The following KCNH8 variants were observed in gnomAD, a reference collection of about 807,000 sequenced individuals.
KCNH8 encodes the protein potassium voltage-gated channel subfamily H member 8, also known as voltage-gated delayed rectifier potassium channel KCNH8.
In KCNH8, 70 loss-of-function variants were observed where a neutral mutation model predicts 103.6. The observed-to-expected ratio is 0.68, with a 90% CI of 0.56 to 0.82. The LOEUF (loss-of-function observed/expected upper bound fraction) is 0.82. KCNH8 is among the 40% of genes least tolerant of loss of function. The pLI, the probability that KCNH8 is intolerant of heterozygous loss-of-function variation, is 0.00. For synonymous variants in KCNH8, 498 were observed against 489.4 expected, an observed-to-expected ratio of 1.02 and a Z score of -0.23; for missense variants, 1,217 against 1,329.9, an observed-to-expected ratio of 0.92 and a Z score of 1.32.
intron 5 of KCNH8, among the ~76,000 whole-genome samples, chr3:19,370,303 C>T (rs2066070816): frequency 6.6e-6 from 1 of 151,978 alleles, no homozygotes; most frequent in African/African-American, 2.4e-5. Flanking sequence ...TTTGTACTCT[C>T]AGAATTCAGC....
chr3:19,472,234 GTGTGTGTGTGTGT>G (rs1450198551), intron 11 of KCNH8, among the ~76,000 whole-genome samples: 2 of 143,958 alleles, frequency 1.4e-5, no homozygotes, highest in Non-Finnish European at 3.0e-5. Context: ...GTGTGTGTGT[GTGTGTGTGTGTGT>G]TAATGTCCAC....
intron 5 of KCNH8, among the ~76,000 whole-genome samples, chr3:19,374,967 A>G (rs1263673279): frequency 1.3e-5 from 2 of 152,020 alleles, no homozygotes; most frequent in Non-Finnish European, 2.9e-5. Flanking sequence ...GTTTCTGCCG[A>G]GAGATCCGCT....
At chr3:19,217,686 T>C (rs75208069) in intron 1 of KCNH8, among the ~76,000 whole-genome samples, 6,094 of 152,268 alleles carry the variant, frequency 0.04, 422 homozygotes, top group African/African-American at 0.14. Flanking sequence ...GCTGTCCAGC[T>C]GGGATTCTAA....
chr3:19,504,532 A>G (rs555195743), intron 11 of KCNH8, among the ~76,000 whole-genome samples: 1 of 152,274 alleles, frequency 6.6e-6, no homozygotes, highest in South Asian at 2.1e-4. Context: ...CCATGAACAG[A>G]CACTTTTCAA....
intron 1 of KCNH8, among the ~76,000 whole-genome samples, chr3:19,177,580 A>G (rs565942386): frequency 2.6e-5 from 4 of 152,208 alleles, no homozygotes; most frequent in Admixed American, 2.0e-4. Flanking sequence ...TATACATATT[A>G]AAACTTGAGT....
intron 6 of KCNH8, 127 bp from the exon 7 acceptor site, chr3:19,394,977 T>C: frequency 1.4e-6 from 1 of 697,022 alleles, no homozygotes; most frequent in Admixed American, 2.2e-5. Flanking sequence ...GAACAAAGAA[T>C]TCATAAAAAT....
Position 19,186,716 on chromosome 3 carries a change from A to G in KCNH8, c.76+37921A>G, listed in dbSNP as rs1370916669. On this transcript the variant is annotated intron_variant, in intron 1 of 15. Transcript: ENST00000328405. ...AACTAGGCAGATGTTACGAAGTTCA[A>G]AGGAGAAGTGAATGAATCCCAAGTT... 3.9e-5 allele frequency among the ~76,000 whole-genome samples: 6 copies of G among 152,192 alleles called. No individual in the cohort carries two copies. In the South Asian group the frequency reaches 1.2e-3, roughly 32 times the overall value.
At chr3:19,207,115 A>G (rs1468259625) in intron 1 of KCNH8, among the ~76,000 whole-genome samples, 1 of 151,990 alleles carries the variant, frequency 6.6e-6, no homozygotes, top group South Asian at 2.1e-4. Flanking sequence ...TGTGTAGAAA[A>G]GCAAAACAAG....
At chr3:19,201,302 C>T (rs1575432349) in intron 1 of KCNH8, among the ~76,000 whole-genome samples, 1 of 116,834 alleles carries the variant, frequency 8.6e-6, no homozygotes, top group South Asian at 3.0e-4. Context: ...ACGCTGCTAA[C>T]ATTTTTAACA....
chr3:19,384,450 C>G (rs978383690), intron 5 of KCNH8, among the ~76,000 whole-genome samples: 1 of 152,082 alleles, frequency 6.6e-6, no homozygotes, highest in Non-Finnish European at 1.5e-5. Flanking sequence ...CAATAAGAAC[C>G]CAAGCAGTCT....
At chr3:19,381,732 T>C (rs1369893041) in intron 5 of KCNH8, among the ~76,000 whole-genome samples, 1 of 151,996 alleles carries the variant, frequency 6.6e-6, no homozygotes, top group African/African-American at 2.4e-5. Context: ...TTACCAAGGA[T>C]TGGAGGAATA....
chr3:19,358,172 TCTTC>T (rs10576905), intron 5 of KCNH8, among the ~76,000 whole-genome samples: 74,426 of 148,512 alleles, frequency 0.5, 20,242 homozygotes, highest in African/African-American at 0.73. Context: ...TCCTTCCTTT[TCTTC>T]CTTCCTTCCT....
rs376859519 is a variant in KCNH8, at chr3:19,394,483, G to A, written c.970-621G>A. ...GCATGTCTGAGAGAGCGCTGAGAGAGAGAAAGAGAGAGAGAGAGAGAGAGC... is the reference window on the plus strand; with the variant it reads ...GCATGTCTGAGAGAGCGCTGAGAGAAAGAAAGAGAGAGAGAGAGAGAGAGC... On this transcript the variant is annotated intron_variant, in intron 6 of 15. Transcript: ENST00000328405. 1.6e-3 allele frequency among the ~76,000 whole-genome samples: 230 copies of A among 145,132 alleles called. 2 individuals are homozygous for A. Among genetic ancestry groups the A allele is most frequent in the African/African-American group, 5.4e-3 (220 of 40,848 alleles).
At chr3:19,188,518 C>G (rs1263527739) in intron 1 of KCNH8, among the ~76,000 whole-genome samples, 1 of 151,966 alleles carries the variant, frequency 6.6e-6, no homozygotes, top group African/African-American at 2.4e-5. Context: ...AGTTTGCTAA[C>G]TCTTGTTGTA....
At chr3:19,502,586 T>A (rs1177685551) in intron 11 of KCNH8, among the ~76,000 whole-genome samples, 1 of 151,878 alleles carries the variant, frequency 6.6e-6, no homozygotes, top group Non-Finnish European at 1.5e-5. Context: ...TAGATATAGA[T>A]CAATGGAACA....
intron 3 of KCNH8, among the ~76,000 whole-genome samples, chr3:19,332,979 ATCCAGTT>A (rs2065532381): frequency 6.6e-6 from 1 of 152,090 alleles, no homozygotes; most frequent in Admixed American, 6.6e-5. Context: ...TGTGTGAGAG[ATCCAGTT>A]TCTGCACATC....
chr3:19,217,807 G>T (rs1480609574), intron 1 of KCNH8, among the ~76,000 whole-genome samples: 1 of 152,124 alleles, frequency 6.6e-6, no homozygotes, highest in East Asian at 1.9e-4. Flanking sequence ...TATTTAACTT[G>T]TTCTGTGTGT....
intron 7 of KCNH8, among the ~76,000 whole-genome samples, chr3:19,430,644 C>T (rs1195335678): frequency 6.6e-6 from 1 of 152,096 alleles, no homozygotes; most frequent in African/African-American, 2.4e-5. Context: ...TTGTTTCCGT[C>T]ATCTCTGATT....
intron 3 of KCNH8, among the ~76,000 whole-genome samples, chr3:19,309,205 C>A (rs767318213): frequency 2.6e-5 from 4 of 151,940 alleles, no homozygotes; most frequent in Admixed American, 6.6e-5. Context: ...GAGACCCCAA[C>A]AGCAAGTGCT....
Sources: allele counts gnomAD v4.1 joint callset (sites outside exome capture counted in the v4.1 genomes callset), GRCh38; gene constraint gnomAD v4.1.1; transcripts MANE v1.5; gene names NCBI Gene and HGNC (gene_info 2026-07-23, HGNC 2026-07-21).